The following MORF4L2 variants were observed in gnomAD, a reference collection of about 807,000 sequenced individuals.
MORF4L2 encodes mortality factor 4 like 2.
MORF4L2 carries 1 observed loss-of-function variant against 12.0 expected under a neutral mutation model. The observed-to-expected ratio is 0.08, with a 90% CI of 0.03 to 0.40. The LOEUF is 0.40. MORF4L2 is among the 10% of genes least tolerant of loss of function. The pLI is 0.98. For missense variants in MORF4L2, 123 were observed against 214.0 expected (o/e 0.57, Z 2.65); for synonymous variants, 69 against 81.6 (o/e 0.85, Z 0.83).
chrX:103,686,456 T>C (rs2074111464), intron 1 of MORF4L2, among the ~76,000 whole-genome samples, 175 bp downstream of exon 1: 1 of 111,760 alleles, frequency 8.9e-6, no homozygotes, highest in Non-Finnish European at 1.9e-5. Flanking sequence ...TTATCACCAT[T>C]TTACAAACAT....
upstream of MORF4L2, chrX:103,686,784 C>A (rs887220162): frequency 8.9e-6 from 1 of 111,947 alleles, no homozygotes; most frequent in Non-Finnish European, 1.9e-5. Flanking sequence ...CAATCACAAT[C>A]GTCTTGTCTA....
chrX:103,676,373 T>C lies in MORF4L2; in HGVS notation c.655A>G (p.Met219Val), dbSNP rs1271285208. ...TGTGGTGCTCCATAAACCTGGGACA[T>C]TGGAGCATCAGGGTGAGCCAAGAGG... is the stretch of plus-strand genomic sequence containing the variant. The part of the protein sequence containing the change: ...EILLAHPDAP[M>V]SQVYGAPHLL... The change falls in exon 4 of 4, where the codon ATG (methionine) becomes GTG (valine). Residue 219 changes from methionine to valine, a missense_variant. Met to Val is a conservative substitution (Grantham distance 21). Coordinates refer to ENST00000441076, the MANE Select transcript of MORF4L2 (RefSeq NM_012286.3). The C allele has an allele frequency of 1.7e-6, 2 of 1,209,571 alleles. No individual in the cohort carries two copies. The highest frequency in any genetic ancestry group is 2.2e-6 in the Non-Finnish European group (2 of 894,895).
At chrX:103,684,430 T>A (rs2074053466) in intron 2 of MORF4L2, among the ~76,000 whole-genome samples, 1 of 112,319 alleles carries the variant, frequency 8.9e-6, no homozygotes, top group Admixed American at 9.4e-5. Context: ...ATAAATATGA[T>A]CAATATATTT....
chrX:103,685,222 T>C lies in MORF4L2; in HGVS notation c.-229A>G, dbSNP rs1431360829. On this transcript the variant is annotated 5_prime_UTR_variant, in exon 2 of 4. Coordinates refer to ENST00000441076, the MANE Select transcript of MORF4L2 (RefSeq NM_012286.3). ...CTGCAATCAGGATCAGATCTCCTGA[T>C]CCTCACTATACAGCAAACTTAGCTT... 1 of 111,986 alleles carries C rather than the reference T, an allele frequency of 8.9e-6. No homozygotes were observed. Among genetic ancestry groups the C allele is most frequent in the Non-Finnish European group, 1.9e-5 (1 of 53,174 alleles). The allele number at this position is 111,986 out of a possible 1,213,427, so 9.2% of individuals were successfully genotyped here.
At chrX:103,681,043 G>A (rs2073973654) in intron 2 of MORF4L2, among the ~76,000 whole-genome samples, 2 of 111,802 alleles carry the variant, frequency 1.8e-5, no homozygotes, top group Admixed American at 9.5e-5. Flanking sequence ...AGCCAAGCTG[G>A]ACAAAAACCA....
chrX:103,682,563 T>C lies in MORF4L2; in HGVS notation c.-178+2608A>G, dbSNP rs1158377061. Among the ~76,000 whole-genome samples, 7 of 112,241 alleles carry C rather than the reference T, an allele frequency of 6.2e-5. No homozygotes were observed. In the East Asian group the frequency reaches 1.1e-3, roughly 18 times the overall value. On this transcript the variant is annotated intron_variant, in intron 2 of 3. Coordinates refer to ENST00000441076, the MANE Select transcript of MORF4L2 (RefSeq NM_012286.3). ...CGACTTTTCTTGGGCCAATCTAACATGTAGTAAGATAATTTCATTTGAATT... is the reference window on the plus strand; with the variant it reads ...CGACTTTTCTTGGGCCAATCTAACACGTAGTAAGATAATTTCATTTGAATT...
At chrX:103,679,734 C>A (rs1481568642) in intron 2 of MORF4L2, among the ~76,000 whole-genome samples, 1 of 107,998 alleles carries the variant, frequency 9.3e-6, no homozygotes, top group African/African-American at 3.4e-5. Context: ...TCTCTAGTAA[C>A]TACAACTTTC....
upstream of MORF4L2, chrX:103,687,288 G>C (rs6621730): frequency 9.0e-6 from 1 of 111,606 alleles, no homozygotes; most frequent in African/African-American, 3.3e-5. Flanking sequence ...GCAACTCCCC[G>C]AACACGGAAA....
At chrX:103,683,320 G>T (rs2074031116) in intron 2 of MORF4L2, among the ~76,000 whole-genome samples, 1 of 112,116 alleles carries the variant, frequency 8.9e-6, no homozygotes, top group Non-Finnish European at 1.9e-5. Context: ...GCCTCCCAAA[G>T]TGCTGGGATT....
rs1213318221 is a variant in MORF4L2, at chrX:103,676,169, C to T, written c.859G>A (p.Ala287Thr). The T allele has an allele frequency of 1.7e-6, 2 of 1,200,537 alleles. No homozygotes were observed. Among genetic ancestry groups the T allele is most frequent in the Admixed American group, 4.5e-5 (2 of 44,813 alleles). The stretch of plus-strand genomic sequence containing the variant: ...GAGCTGTCTGTAGACGCTCACAGGG[C>T]TTTGCGGTGGTACTCAGCAGAAGCC... ...KVASAEYHRKAL is the reference protein window; with the variant it reads ...KVASAEYHRKTL The change falls in exon 4 of 4, where the codon GCC becomes ACC. Residue 287 changes from alanine (A) to threonine (T), a missense_variant. Physicochemically the swap from Ala to Thr is moderately conservative, Grantham distance 58 (BLOSUM62 0). Coordinates refer to ENST00000441076, the MANE Select transcript of MORF4L2 (RefSeq NM_012286.3).
intron 2 of MORF4L2, among the ~76,000 whole-genome samples, chrX:103,681,040 C>T (rs1337038914): frequency 8.9e-6 from 1 of 111,775 alleles, no homozygotes; most frequent in African/African-American, 3.3e-5. Context: ...TAGAGCCAAG[C>T]TGGACAAAAA....
At position 103,686,526 on chromosome X, in the gene MORF4L2, A is replaced by C. The variant is rs747141031; in HGVS notation, c.-268+105T>G. The C allele has an allele frequency of 2.7e-5, 3 of 111,563 alleles. No individual in the cohort carries two copies. The South Asian group carries it at 1.2e-3, about 43-fold the overall frequency. 9.2% of individuals were successfully genotyped at this position (111,563 alleles called of 1,213,427 possible). ...CCAAGCTGGGCGTTGGCGAGCAGGA[A>C]TCTGAATCCAGCTCTGACCGATTGT... On this transcript the variant is annotated intron_variant, in intron 1 of 3. Coordinates refer to ENST00000441076, the MANE Select transcript of MORF4L2 (RefSeq NM_012286.3).
At chrX:103,681,929 TAA>T (rs2073994222) in intron 2 of MORF4L2, among the ~76,000 whole-genome samples, 1 of 111,273 alleles carries the variant, frequency 9.0e-6, no homozygotes, top group Non-Finnish European at 1.9e-5. Context: ...ACAAATTATA[TAA>T]AGATGTGAAC....
At chrX:103,677,186 A>G (rs978582704) in intron 3 of MORF4L2, 135 bp from the exon 4 acceptor site, 7 of 453,217 alleles carry the variant, frequency 1.5e-5, no homozygotes, top group Non-Finnish European at 1.7e-5. Context: ...AGGACCCTTT[A>G]TAAGTGATTT....
chrX:103,677,717 A>G (rs765638235), intron 3 of MORF4L2, among the ~76,000 whole-genome samples: 1 of 112,517 alleles, frequency 8.9e-6, no homozygotes, highest in East Asian at 2.8e-4. Context: ...ATTACTGCAT[A>G]TCTGCTTTGG....
chrX:103,682,925 C>T (rs1053129996), intron 2 of MORF4L2, among the ~76,000 whole-genome samples: 1 of 111,898 alleles, frequency 8.9e-6, no homozygotes, highest in Non-Finnish European at 1.9e-5. Flanking sequence ...TATAGTTTTC[C>T]TCAAATGTAT....
chrX:103,678,095 C>A (rs1230705591), intron 3 of MORF4L2, among the ~76,000 whole-genome samples: 1 of 108,383 alleles, frequency 9.2e-6, no homozygotes, highest in Non-Finnish European at 1.9e-5. Flanking sequence ...GGTACCCACC[C>A]CACAACCCAA....
chrX:103,680,129 T>G (rs1415788900), intron 2 of MORF4L2, among the ~76,000 whole-genome samples: 2 of 111,838 alleles, frequency 1.8e-5, no homozygotes, highest in African/African-American at 6.5e-5. Flanking sequence ...GAGGTTGCAG[T>G]GAGCCAGGAG....
At position 103,678,502 on chromosome X, in the gene MORF4L2, A is replaced by G. The variant is rs1039052861; in HGVS notation, c.-28T>C. 2 of 111,909 alleles carry G rather than the reference A, an allele frequency of 1.8e-5. No individual in the cohort carries two copies. The highest frequency in any genetic ancestry group is 6.5e-5 in the African/African-American group (2 of 30,760). The allele number at this position is 111,909 out of a possible 1,213,427, so 9.2% of individuals were successfully genotyped here. ...GGAAACAATTCCTTTGACTTACACA[A>G]TCTTCCTTCTTTCCCTTCCAAGAAC... On this transcript the variant is annotated 5_prime_UTR_variant, in exon 3 of 4. Coordinates refer to ENST00000441076, the MANE Select transcript of MORF4L2 (RefSeq NM_012286.3).
Sources: gnomAD v4.1 joint callset for allele counts (sites outside exome capture counted in the v4.1 genomes callset) on GRCh38, gnomAD v4.1.1 for gene constraint, MANE v1.5 for transcripts, NCBI Gene and HGNC (gene_info 2026-07-23, HGNC 2026-07-21) for gene names.